The following RRH variants were observed in gnomAD, a reference collection of about 807,000 sequenced individuals.
RRH encodes the protein retinal pigment epithelium-derived rhodopsin homolog.
RRH carries 36 observed loss-of-function variants against 33.1 expected under a neutral mutation model. The observed-to-expected ratio is 1.09, with a 90% CI of 0.83 to 1.44. The LOEUF is 1.44. Ranked by LOEUF, RRH falls within the 40% of genes most tolerant of loss-of-function variation. RRH has a pLI of 0.00. For missense variants in RRH, 393 were observed against 420.2 expected (o/e 0.94, Z 0.57); for synonymous variants, 124 against 140.2 (o/e 0.88, Z 0.82).
At chr4:109,843,900 C>A (rs1037449435) in intron 6 of RRH, among the ~76,000 whole-genome samples, 183 bp from the exon 7 acceptor site, 3 of 152,132 alleles carry the variant, frequency 2.0e-5, no homozygotes, top group African/African-American at 7.2e-5. Flanking sequence ...GCAAAATGGG[C>A]TTTAACTGTA....
intron 5 of RRH, among the ~76,000 whole-genome samples, chr4:109,840,226 C>CT (rs149725191): frequency 1.9e-4 from 28 of 146,066 alleles, no homozygotes; most frequent in Admixed American, 2.7e-4. Flanking sequence ...CAGTGATGAG[C>CT]TTTTTTTTTT....
At chr4:109,841,140 T>A (rs935056268) in intron 5 of RRH, among the ~76,000 whole-genome samples, 7 of 152,052 alleles carry the variant, frequency 4.6e-5, no homozygotes, top group African/African-American at 1.7e-4. Context: ...AATGGAAAAA[T>A]TATATTTTTC....
At chr4:109,843,876 A>G (rs965296291) in intron 6 of RRH, among the ~76,000 whole-genome samples, 2 of 152,230 alleles carry the variant, frequency 1.3e-5, no homozygotes, top group Non-Finnish European at 2.9e-5. Flanking sequence ...CAGGAAATCT[A>G]TAGAATCAAT....
At chr4:109,838,754 G>A (rs1733935048) in intron 5 of RRH, among the ~76,000 whole-genome samples, 1 of 152,174 alleles carries the variant, frequency 6.6e-6, no homozygotes, top group South Asian at 2.1e-4. Context: ...AAGGCTGATG[G>A]CATTCTGGTG....
intron 5 of RRH, 104 bp downstream of exon 5, chr4:109,837,709 A>C (rs548201514): frequency 2.5e-6 from 2 of 805,870 alleles, no homozygotes; most frequent in South Asian, 2.9e-5. Context: ...CTCATCTCCA[A>C]TTCTCACTCC....
chr4:109,829,336 A>T lies in RRH; in HGVS notation c.106+1203A>T, dbSNP rs75221827. ...TTCTAGTTTTTTTGTAATTGCAAAA[A>T]AGACTGAGAAAATCTCCTAACAATT... On this transcript the variant is annotated intron_variant, in intron 1 of 6. Transcript: ENST00000317735. Among the ~76,000 whole-genome samples the T allele has an allele frequency of 3.9e-3, 589 of 152,086 alleles. 4 individuals carry two copies. The highest frequency in any genetic ancestry group is 0.013 in the African/African-American group (555 of 41,542).
Position 109,828,061 on chromosome 4 carries a change from TC to T in RRH, c.35del (p.Ser12LeufsTer21). ...LRNNLGNSSD[S>X]KNEDGSVFSQ... ...AAATAATTTAGGCAACAGTTCAGAC[TC>T]TAAAAATGAAGATGGCTCGGTCTTT... is the stretch of plus-strand genomic sequence containing the variant. On this transcript the variant is annotated frameshift_variant, in exon 1 of 7. Transcript: ENST00000317735. LOFTEE classifies it high-confidence loss of function. 1 of 1,612,602 alleles carries T rather than the reference TC, an allele frequency of 6.2e-7. No homozygotes were observed. Among genetic ancestry groups the T allele is most frequent in the Non-Finnish European group, 8.5e-7 (1 of 1,178,770 alleles).
At chr4:109,831,135 A>G (rs1019917291) in intron 1 of RRH, among the ~76,000 whole-genome samples, 3 of 152,168 alleles carry the variant, frequency 2.0e-5, no homozygotes, top group Admixed American at 2.0e-4. Flanking sequence ...TAGTTCCTTT[A>G]TTCTGGTTGC....
intron 1 of RRH, among the ~76,000 whole-genome samples, chr4:109,832,902 C>T (rs985202639): frequency 7.9e-5 from 12 of 152,120 alleles, no homozygotes; most frequent in East Asian, 5.8e-4. Flanking sequence ...TTAAAACCAA[C>T]GTTCAGTGCT....
intron 1 of RRH, among the ~76,000 whole-genome samples, chr4:109,828,805 GATAAGA>G (rs1369842726): frequency 1.3e-5 from 2 of 151,922 alleles, no homozygotes; most frequent in Admixed American, 6.6e-5. Context: ...GTAAAACAAG[GATAAGA>G]ATAAGTTATC....
At position 109,844,146 on chromosome 4, in the gene RRH, T is replaced by C. The variant is rs1306337940; in HGVS notation, c.963T>C (p.Ser321=). The C allele has an allele frequency of 1.2e-6, 2 of 1,613,866 alleles. No individual in the cohort carries two copies. Among genetic ancestry groups the C allele is most frequent in the South Asian group, 1.1e-5 (1 of 91,068 alleles). The stretch of plus-strand genomic sequence containing the variant: ...CTCACCAAACAATGCCTGTGACAAG[T>C]ATTTTACCCATGGATGTATCTCAAA... The part of the protein sequence containing the change: ...CQTHQTMPVT[S]ILPMDVSQNP... The change falls in exon 7 of 7, where the codon AGT becomes AGC. Residue 321 remains serine (S), a synonymous_variant. Transcript: ENST00000317735.
intron 1 of RRH, among the ~76,000 whole-genome samples, chr4:109,828,944 T>C (rs1733692148): frequency 6.6e-6 from 1 of 152,090 alleles, no homozygotes; most frequent in Non-Finnish European, 1.5e-5. Context: ...AAGGATTGTT[T>C]GCAGAAAAAA....
chr4:109,833,469 G>A (rs912317690), intron 2 of RRH, 140 bp downstream of exon 2: 1 of 692,298 alleles, frequency 1.4e-6, no homozygotes, highest in Non-Finnish European at 2.5e-6. Flanking sequence ...CAACAGAAGT[G>A]ACTAGGAATA....
intron 4 of RRH, among the ~76,000 whole-genome samples, chr4:109,836,481 G>A (rs1430781006): frequency 2.0e-5 from 3 of 152,190 alleles, no homozygotes; most frequent in Non-Finnish European, 2.9e-5. Context: ...ATCATGAGCA[G>A]GAAAAGGGTT....
In RRH at chr4:109,833,312, G is replaced by C. The variant is rs527853830; in HGVS notation, c.280G>C (p.Gly94Arg). ...AGATCTGTATGGAAGTTGGAAATTT[G>C]GATACGCAGGCTGTCAGGTATTGGA... ...ASDLYGSWKF[G>R]YAGCQVYAGL... The change falls in exon 2 of 7, where the codon GGA becomes CGA. Residue 94 changes from glycine (G) to arginine (R), a missense_variant. Physicochemically the swap from Gly to Arg is moderately radical, Grantham distance 125. Coordinates refer to ENST00000317735, the MANE Select transcript of RRH (RefSeq NM_006583.5). 1.9e-6 allele frequency: 3 copies of C among 1,613,964 alleles called. No individual in the cohort carries two copies. Among genetic ancestry groups the C allele is most frequent in the East Asian group, 4.5e-5 (2 of 44,864 alleles).
intron 5 of RRH, among the ~76,000 whole-genome samples, chr4:109,840,332 A>C (rs577673042): frequency 8.3e-4 from 126 of 151,848 alleles, no homozygotes; most frequent in Middle Eastern, 3.4e-3. Context: ...TTGTCTTATA[A>C]ATTTGTTTAA....
At chr4:109,840,240 T>G (rs1307892750) in intron 5 of RRH, among the ~76,000 whole-genome samples, 1 of 152,094 alleles carries the variant, frequency 6.6e-6, no homozygotes, top group African/African-American at 2.4e-5. Context: ...TTTTTTTTCA[T>G]GTTTCTTGGC....
At chr4:109,837,695 C>T (rs982782756) in intron 5 of RRH, 90 bp downstream of exon 5, 1 of 882,894 alleles carries the variant, frequency 1.1e-6, no homozygotes, top group Admixed American at 2.0e-5. Flanking sequence ...GCAGTCTTCT[C>T]TCCCTCATCT....
chr4:109,838,296 G>A (rs1215627735), intron 5 of RRH, among the ~76,000 whole-genome samples: 1 of 152,136 alleles, frequency 6.6e-6, no homozygotes, highest in Non-Finnish European at 1.5e-5. Flanking sequence ...CTCTCAGTAT[G>A]TTTAAACACA....
Sources: gnomAD v4.1 joint callset for allele counts (sites outside exome capture counted in the v4.1 genomes callset) on GRCh38, gnomAD v4.1.1 for gene constraint, MANE v1.5 for transcripts, NCBI Gene and HGNC (gene_info 2026-07-23, HGNC 2026-07-21) for gene names.